SATB2: variants seen among roughly 807,000 people sequenced by gnomAD.
The protein encoded by SATB2 is DNA-binding protein SATB2.
SATB2 carries 1 observed loss-of-function variant against 73.4 expected under a neutral mutation model. The observed-to-expected ratio is 0.01, with a 90% CI of 0.00 to 0.06. The LOEUF is 0.06. SATB2 is among the 10% of genes least tolerant of loss of function. SATB2 has a pLI of 1.00. For missense variants in SATB2, 459 were observed against 945.8 expected (o/e 0.49, Z 6.75); for synonymous variants, 397 against 367.0 (o/e 1.08, Z -0.93).
At chr2:199,468,129 G>A (rs920899305), upstream of SATB2, 3 of 150,694 alleles carry the variant, frequency 2.0e-5, no homozygotes, top group African/African-American at 7.4e-5. Flanking sequence ...CCTGCAGTAG[G>A]GTCTCAGAGG....
chr2:199,396,045 C>T (rs1055032509), intron 3 of SATB2: 1 of 152,166 alleles, frequency 6.6e-6, no homozygotes, highest in Non-Finnish European at 1.5e-5. Flanking sequence ...AAACACTGCT[C>T]GTGCTAAAGC....
Position 199,328,763 on chromosome 2 carries a change from T to A in SATB2, c.1321A>T (p.Met441Leu). ...GAGACCATGCTCACATTGGGATTCA[T>A]GCTCCGCTCCCTCTCATCCTGGTAG... ...RIYQDERERS[M>L]NPNVSMVSSA... The change falls in exon 8 of 11, where the codon ATG (methionine) becomes TTG (leucine). Residue 441 changes from methionine to leucine, a missense_variant. Transcript: ENST00000417098. 3 of 1,613,988 alleles carry A rather than the reference T, an allele frequency of 1.9e-6. No homozygotes were observed. The highest frequency in any genetic ancestry group is 2.5e-6 in the Non-Finnish European group (3 of 1,179,962).
intron 5 of SATB2, among the ~76,000 whole-genome samples, chr2:199,377,067 G>T (rs1356546524): frequency 1.3e-5 from 2 of 152,154 alleles, no homozygotes; most frequent in African/African-American, 4.8e-5. Context: ...ATGATTTTAT[G>T]CCATTTTAAA....
chr2:199,334,792 G>T (rs1688288086), intron 7 of SATB2, among the ~76,000 whole-genome samples: 1 of 152,060 alleles, frequency 6.6e-6, no homozygotes, highest in Non-Finnish European at 1.5e-5. Context: ...AGCCAAAGCG[G>T]TTAAATCAGC....
At chr2:199,329,189 G>T (rs1316563031) in intron 7 of SATB2, 1 of 445,172 alleles carries the variant, frequency 2.2e-6, no homozygotes. Context: ...CACTTGGGAA[G>T]AATTGTGAAA....
At chr2:199,408,642 C>A (rs1690708872) in intron 3 of SATB2, among the ~76,000 whole-genome samples, 1 of 145,846 alleles carries the variant, frequency 6.9e-6, no homozygotes, top group African/African-American at 2.5e-5. Flanking sequence ...GAAAAGAGAC[C>A]AAATGTATAC....
chr2:199,295,635 A>G (rs1230106652), intron 10 of SATB2, among the ~76,000 whole-genome samples: 1 of 152,140 alleles, frequency 6.6e-6, no homozygotes, highest in Non-Finnish European at 1.5e-5. Context: ...CAAGCCACAT[A>G]CTGCTTCCCA....
At chr2:199,414,383 T>G (rs1690912358) in intron 3 of SATB2, among the ~76,000 whole-genome samples, 1 of 152,178 alleles carries the variant, frequency 6.6e-6, no homozygotes, top group Non-Finnish European at 1.5e-5. Flanking sequence ...TCAGGGATCT[T>G]GTTGTACTGG....
intron 2 of SATB2, among the ~76,000 whole-genome samples, chr2:199,453,017 CCT>C (rs1692174537): frequency 6.6e-6 from 1 of 152,024 alleles, no homozygotes; most frequent in South Asian, 2.1e-4. Flanking sequence ...GTGTATCTAC[CCT>C]CTCTTCTATT....
At chr2:199,385,610 G>A (rs539872842) in intron 3 of SATB2, among the ~76,000 whole-genome samples, 8 of 152,300 alleles carry the variant, frequency 5.3e-5, no homozygotes, top group African/African-American at 1.9e-4. Context: ...ATTCAGAAGG[G>A]ATGGGTTATC....
At chr2:199,311,468 C>G (rs1687592229) in intron 9 of SATB2, among the ~76,000 whole-genome samples, 2 of 152,098 alleles carry the variant, frequency 1.3e-5, no homozygotes, top group African/African-American at 4.8e-5. Flanking sequence ...ATGAATGTAT[C>G]AGCTGGTTCT....
chr2:199,359,549 A>G (rs1047924882), intron 6 of SATB2, among the ~76,000 whole-genome samples: 15 of 152,162 alleles, frequency 9.9e-5, no homozygotes, highest in Non-Finnish European at 1.5e-4. Flanking sequence ...TCAGTGCACC[A>G]TATAATATGT....
At chr2:199,376,810 T>C (rs1255580846) in intron 5 of SATB2, among the ~76,000 whole-genome samples, 1 of 151,998 alleles carries the variant, frequency 6.6e-6, no homozygotes, top group Admixed American at 6.6e-5. Flanking sequence ...AACCAGGAGG[T>C]TGAGGCACTT....
rs147074068 is a variant in SATB2, at chr2:199,457,231, C to T, written c.-60+108G>A. 1,577 of 152,418 alleles carry T rather than the reference C, an allele frequency of 0.01. 11 individuals carry two copies. Among genetic ancestry groups the T allele is most frequent in the South Asian group, 0.017 (84 of 4,830 alleles). 9.4% of individuals were successfully genotyped at this position (152,418 alleles called of 1,614,324 possible). A position where few individuals can be genotyped will look rare whatever the true frequency, so the allele number is the denominator to read the frequency against. ...GGGCGAGGCTTCCGCCTGCATTCCC[C>T]GACTTCGCGGTCCGAGAGGCCGAGA... On this transcript the variant is annotated intron_variant, in intron 1 of 10. Transcript: ENST00000417098. The surrounding 1 kb of genome is among the most constrained non-coding windows in gnomAD (Gnocchi z 4.8).
intron 3 of SATB2, among the ~76,000 whole-genome samples, chr2:199,385,725 A>C (rs1235938988): frequency 1.3e-5 from 2 of 152,180 alleles, no homozygotes; most frequent in Non-Finnish European, 2.9e-5. Context: ...GTGAGAGGCA[A>C]ACTAGAAGAA....
chr2:199,328,460 G>C (rs776321550), intron 8 of SATB2, among the ~76,000 whole-genome samples: 2 of 152,042 alleles, frequency 1.3e-5, no homozygotes, highest in Non-Finnish European at 1.5e-5. Context: ...AGAATTCCTT[G>C]AACCCAGGAG....
chr2:199,454,567 C>CCCAAAAAGGGGAGACAAGA, intron 2 of SATB2, among the ~76,000 whole-genome samples: 1 of 152,090 alleles, frequency 6.6e-6, no homozygotes, highest in East Asian at 1.9e-4. Flanking sequence ...ATTTTCAAGT[C>CCCAAAAAGGGGAGACAAGA]CCAAAAAGGG....
At chr2:199,429,185 GA>G (rs1377238940) in intron 3 of SATB2, among the ~76,000 whole-genome samples, 1 of 152,110 alleles carries the variant, frequency 6.6e-6, no homozygotes, top group African/African-American at 2.4e-5. Context: ...AATTAGGGAT[GA>G]AGTGAACAGC....
chr2:199,360,819 C>T (rs963301820), intron 6 of SATB2, among the ~76,000 whole-genome samples: 1 of 152,132 alleles, frequency 6.6e-6, no homozygotes, highest in Non-Finnish European at 1.5e-5. Flanking sequence ...ATAGGCTTCC[C>T]TGTTCTCACA....
Sources: allele counts gnomAD v4.1 joint callset (sites outside exome capture counted in the v4.1 genomes callset), GRCh38; gene constraint gnomAD v4.1.1; non-coding constraint Gnocchi (gnomAD v3.1); transcripts MANE v1.5; gene names NCBI Gene and HGNC (gene_info 2026-07-23, HGNC 2026-07-21).